LRIG2: variants seen among roughly 807,000 people sequenced by gnomAD.
The protein encoded by LRIG2 is leucine-rich repeats and immunoglobulin-like domains protein 2.
LRIG2 carries 93 observed loss-of-function variants against 107.8 expected under a neutral mutation model. The ratio of observed to expected loss-of-function variants is 0.86; its 90% CI spans 0.73 to 1.03. The LOEUF is 1.03. LRIG2 is among the 50% of genes least tolerant of loss of function. The pLI is 0.00. For missense variants in LRIG2, 1,226 were observed against 1,296.0 expected (o/e 0.95, Z 0.83); for synonymous variants, 471 against 470.6 (o/e 1.00, Z -0.01).
Position 113,094,767 on chromosome 1 carries a change from G to A in LRIG2, c.803+12G>A, listed in dbSNP as rs755303272. 6 of 1,606,610 alleles carry A rather than the reference G, an allele frequency of 3.7e-6. No homozygotes were observed. In the South Asian group the frequency reaches 6.6e-5, roughly 18 times the overall value. On this transcript the variant is annotated intron_variant, in intron 6 of 17. Coordinates refer to ENST00000361127, the MANE Select transcript of LRIG2 (RefSeq NM_014813.3). ...AACATGGAAGAACTGTAAGTACTCG[G>A]GACTAGAGGTGATTATTAGGAAAGT...
chr1:113,081,454 A>G (rs1189257611), intron 1 of LRIG2, among the ~76,000 whole-genome samples: 1 of 151,122 alleles, frequency 6.6e-6, no homozygotes. Context: ...TCGCCCAAGT[A>G]GCTGGGACTA....
chr1:113,083,636 G>A (rs1653390896), intron 1 of LRIG2, among the ~76,000 whole-genome samples: 1 of 151,764 alleles, frequency 6.6e-6, no homozygotes, highest in Non-Finnish European at 1.5e-5. Flanking sequence ...GTGAGCCACT[G>A]TGCCCGGCCA....
At position 113,073,511 on chromosome 1, in the gene LRIG2, G is replaced by A. The variant is rs1281320288; in HGVS notation, c.105G>A (p.Leu35=). 2 of 1,614,032 alleles carry A rather than the reference G, an allele frequency of 1.2e-6. No homozygotes were observed. The highest frequency in any genetic ancestry group is 1.7e-6 in the Non-Finnish European group (2 of 1,180,038). The change falls in exon 1 of 18, where the codon TTG becomes TTA. Residue 35 remains leucine, a synonymous_variant. Coordinates refer to ENST00000361127, the MANE Select transcript of LRIG2 (RefSeq NM_014813.3). ...LFIAQTALLL[L]PAAGAGLCPA... is the part of the protein sequence containing the mutation. ...TTGCCCAGACCGCTCTCCTCCTGTTGCCCGCCGCCGGAGCAGGTCTCTGCC... is the reference window on the plus strand; with the variant it reads ...TTGCCCAGACCGCTCTCCTCCTGTTACCCGCCGCCGGAGCAGGTCTCTGCC...
At chr1:113,081,395 C>A (rs1300948263) in intron 1 of LRIG2, among the ~76,000 whole-genome samples, 1 of 151,524 alleles carries the variant, frequency 6.6e-6, no homozygotes, top group Non-Finnish European at 1.5e-5. Context: ...TACTGGTCAC[C>A]CATTTCTATT....
Position 113,127,670 on chromosome 1 carries a change from T to G in LRIG2, c.*3569T>G. Reference sequence around the variant, plus strand: ...ACCTCTGCCTCCCGAGTTCAAGCCCTTCTTCTGCCTCAGCCTCCCAAGTAC... The same window carrying G: ...ACCTCTGCCTCCCGAGTTCAAGCCCGTCTTCTGCCTCAGCCTCCCAAGTAC... On this transcript the variant is annotated 3_prime_UTR_variant, in exon 18 of 18. Transcript: ENST00000361127. 6.6e-6 allele frequency: 1 copy of G among 152,132 alleles called. No individual in the cohort carries two copies. The highest frequency in any genetic ancestry group is 1.5e-5 in the Non-Finnish European group (1 of 68,150). The allele number at this position is 152,132 out of a possible 1,614,324, so 9.4% of individuals were successfully genotyped here.
At chr1:113,105,316 C>T (rs1042001502) in intron 11 of LRIG2, among the ~76,000 whole-genome samples, 4 of 152,144 alleles carry the variant, frequency 2.6e-5, no homozygotes, top group Non-Finnish European at 5.9e-5. Flanking sequence ...ATTCTCTCAA[C>T]AAATGTGTGG....
At chr1:113,075,043 C>T (rs1329412905) in intron 1 of LRIG2, among the ~76,000 whole-genome samples, 1 of 151,928 alleles carries the variant, frequency 6.6e-6, no homozygotes, top group Non-Finnish European at 1.5e-5. Context: ...CATGGAGAAA[C>T]CCCATCTCTA....
chr1:113,111,534 A>G (rs762738526), intron 13 of LRIG2, among the ~76,000 whole-genome samples: 43 of 152,096 alleles, frequency 2.8e-4, no homozygotes, highest in Non-Finnish European at 4.0e-4. Flanking sequence ...GCCTTTGTGT[A>G]CTCATACTTA....
intron 1 of LRIG2, among the ~76,000 whole-genome samples, chr1:113,081,049 G>A (rs1213606940): frequency 6.6e-6 from 1 of 151,684 alleles, no homozygotes; most frequent in Admixed American, 6.6e-5. Context: ...CACCATGTTG[G>A]CCAGGCTGGC....
At chr1:113,076,887 A>C (rs934037946) in intron 1 of LRIG2, among the ~76,000 whole-genome samples, 8 of 152,160 alleles carry the variant, frequency 5.3e-5, no homozygotes, top group African/African-American at 1.7e-4. Flanking sequence ...GCTCTGTTTC[A>C]CATTATTCTG....
intron 1 of LRIG2, 49 bp downstream of exon 1, chr1:113,073,694 C>A: frequency 6.5e-7 from 1 of 1,546,564 alleles, no homozygotes; most frequent in Non-Finnish European, 8.8e-7. Flanking sequence ...GGAGCCTTCC[C>A]TCTACAGGGG....
intron 14 of LRIG2, among the ~76,000 whole-genome samples, chr1:113,114,116 C>A (rs551045854): frequency 6.6e-6 from 1 of 151,796 alleles, no homozygotes; most frequent in Non-Finnish European, 1.5e-5. Flanking sequence ...AACATCTTTG[C>A]GTATAAATCT....
chr1:113,098,768 C>T lies in LRIG2; in HGVS notation c.1155C>T (p.Leu385=), dbSNP rs1654177881. ...IEDASEAFAG[L]TSLTKLILQG... ...ATGCTAGTGAAGCCTTTGCTGGACT[C>T]ACAAGTCTCACTAAACTGTATGTAT... The change falls in exon 9 of 18, where the codon CTC becomes CTT. Residue 385 remains leucine (L), a synonymous_variant. Coordinates refer to ENST00000361127, the MANE Select transcript of LRIG2 (RefSeq NM_014813.3). 6 of 1,605,774 alleles carry T rather than the reference C, an allele frequency of 3.7e-6. No individual in the cohort carries two copies. Among genetic ancestry groups the T allele is most frequent in the Non-Finnish European group, 3.4e-6 (4 of 1,172,546 alleles).
Position 113,117,130 on chromosome 1 carries a change from A to G in LRIG2, c.2680+694A>G, listed in dbSNP as rs377373486. ...CCATACACAGAGTTCTTCTCCCTCCACCCTTTTCATAGCCTCGCTCCCATA... is the reference window on the plus strand; with the variant it reads ...CCATACACAGAGTTCTTCTCCCTCCGCCCTTTTCATAGCCTCGCTCCCATA... On this transcript the variant is annotated intron_variant, in intron 16 of 17. Transcript: ENST00000361127. Among the ~76,000 whole-genome samples the G allele has an allele frequency of 7.2e-5, 11 of 152,224 alleles. 1 individual carries two copies. In the South Asian group the frequency reaches 2.3e-3, roughly 32 times the overall value.
At chr1:113,074,897 G>T (rs1652889266) in intron 1 of LRIG2, among the ~76,000 whole-genome samples, 1 of 118,462 alleles carries the variant, frequency 8.4e-6, no homozygotes, top group Non-Finnish European at 1.7e-5. Flanking sequence ...AACAGAGCGA[G>T]ACTCCGTCTG....
At position 113,109,373 on chromosome 1, in the gene LRIG2, A is replaced by G. The variant is rs76342216; in HGVS notation, c.1478-869A>G. ...CAATCTTCAGCTGGACATTTGACCT[A>G]TTTGGATTTTTTCACTACTTCAGGT... On this transcript the variant is annotated intron_variant, in intron 12 of 17. Coordinates refer to ENST00000361127, the MANE Select transcript of LRIG2 (RefSeq NM_014813.3). Among the ~76,000 whole-genome samples the G allele has an allele frequency of 4.9e-3, 745 of 152,340 alleles. 10 individuals are homozygous for G. The highest frequency in any genetic ancestry group is 0.016 in the African/African-American group (679 of 41,584).
chr1:113,077,334 G>A (rs1033130574), intron 1 of LRIG2, among the ~76,000 whole-genome samples: 21 of 152,132 alleles, frequency 1.4e-4, no homozygotes, highest in African/African-American at 5.1e-4. Flanking sequence ...TAGAGAAGGG[G>A]TTTTGCCATG....
At position 113,107,672 on chromosome 1, in the gene LRIG2, A is replaced by G. The variant is rs922256579; in HGVS notation, c.1392A>G (p.Gln464=). 6.2e-6 allele frequency: 10 copies of G among 1,613,834 alleles called. No homozygotes were observed. The highest frequency in any genetic ancestry group is 8.5e-6 in the Non-Finnish European group (10 of 1,179,944). Residue 464 remains glutamine (Q), a synonymous_variant, in exon 12 of 18, where the codon CAA becomes CAG. Transcript: ENST00000361127. ...LLQWLVDNNF[Q]HSVNVSCAHP... is the part of the protein sequence containing the mutation. Reference sequence around the variant, plus strand: ...AATGGTTGGTTGATAATAACTTTCAACATTCTGTGAATGTAAGCTGTGCAC... The same window carrying G: ...AATGGTTGGTTGATAATAACTTTCAGCATTCTGTGAATGTAAGCTGTGCAC...
Position 113,094,638 on chromosome 1 carries a change from T to C in LRIG2, c.686T>C (p.Ile229Thr). 6.2e-7 allele frequency: 1 copy of C among 1,613,218 alleles called. No individual in the cohort carries two copies. Among genetic ancestry groups the C allele is most frequent in the Non-Finnish European group, 8.5e-7 (1 of 1,179,584 alleles). Residue 229 changes from isoleucine (I) to threonine (T), a missense_variant, in exon 6 of 18, where the codon ATT (isoleucine) becomes ACT (threonine). Physicochemically the swap from Ile to Thr is moderately conservative, Grantham distance 89 (BLOSUM62 -1). This residue lies in a region of LRIG2 where 570 missense variants were observed against 550.2 expected (regional missense o/e 1.04). Transcript: ENST00000361127. The stretch of plus-strand genomic sequence containing the variant: ...GAACTTAAAAGAAACAGAATTAAAA[T>C]TGTGGAAGGTCTTACATTCCAAGGG... ...FLELKRNRIK[I>T]VEGLTFQGLD... is the part of the protein sequence containing the mutation.
Sources: allele counts gnomAD v4.1 joint callset (sites outside exome capture counted in the v4.1 genomes callset), GRCh38; gene constraint gnomAD v4.1.1; regional missense constraint gnomAD v4.1.1; transcripts MANE v1.5; gene names NCBI Gene and HGNC (gene_info 2026-07-23, HGNC 2026-07-21).